The following ADAMTS7 variants were observed in gnomAD, a reference collection of about 807,000 sequenced individuals.
The protein encoded by ADAMTS7 is A disintegrin and metalloproteinase with thrombospondin motifs 7.
A neutral mutation model predicts 172.6 loss-of-function variants in ADAMTS7; 89 were observed. That is an observed-to-expected ratio of 0.52 (90% CI 0.43 to 0.61). ADAMTS7 has a LOEUF of 0.61. Among genes scored for constraint, ADAMTS7 ranks in the 20% least tolerant of loss-of-function variants. The pLI, the probability that ADAMTS7 is intolerant of heterozygous loss-of-function variation, is 0.00. For missense variants in ADAMTS7, 1,973 were observed against 2,355.6 expected, an observed-to-expected ratio of 0.84 and a Z score of 3.36; for synonymous variants, 885 against 978.4, an observed-to-expected ratio of 0.90 and a Z score of 1.78.
intron 8 of ADAMTS7, among the ~76,000 whole-genome samples, chr15:78,785,138 T>C (rs1438390268): frequency 6.6e-6 from 1 of 152,184 alleles, no homozygotes; most frequent in African/African-American, 2.4e-5. Flanking sequence ...CTGGATTATC[T>C]GGTAGGGATT....
At chr15:78,782,321 G>A (rs146141936) in intron 8 of ADAMTS7, among the ~76,000 whole-genome samples, 33 of 151,998 alleles carry the variant, frequency 2.2e-4, no homozygotes, top group African/African-American at 7.7e-4. Context: ...GTGAGCCACC[G>A]TGCCTGGCCA....
intron 17 of ADAMTS7, among the ~76,000 whole-genome samples, chr15:78,767,883 A>T (rs986123396): frequency 6.6e-6 from 1 of 151,298 alleles, no homozygotes; most frequent in Non-Finnish European, 1.5e-5. Flanking sequence ...ACAGGTGTCC[A>T]GGCTGGCCTA....
chr15:78,801,727 G>C (rs7169068), intron 1 of ADAMTS7, among the ~76,000 whole-genome samples: 57,606 of 151,950 alleles, frequency 0.38, 11,390 homozygotes, highest in African/African-American at 0.5. Context: ...ACCCAGACAG[G>C]AGTGCAGGTG....
rs1230186981 is a variant in ADAMTS7, at chr15:78,763,710, G to A, written c.4729C>T (p.Pro1577Ser). 2 of 1,542,624 alleles carry A rather than the reference G, an allele frequency of 1.3e-6. No individual in the cohort carries two copies. Among genetic ancestry groups the A allele is most frequent in the African/African-American group, 2.7e-5 (2 of 73,230 alleles). Residue 1577 changes from proline to serine, a missense_variant, in exon 22 of 24, where the codon CCC becomes TCC. Pro to Ser is a moderately conservative substitution (Grantham distance 74). Coordinates refer to ENST00000388820, the MANE Select transcript of ADAMTS7 (RefSeq NM_014272.5). ...GCAGCCCGGCTCACCTGGCCCCAGGGCCCCACCACCCACTGCGTGCAGGGG... is the reference window on the plus strand; with the variant it reads ...GCAGCCCGGCTCACCTGGCCCCAGGACCCCACCACCCACTGCGTGCAGGGG... ...THPCTQWVVG[P>S]WGQCSGPCGG...
At chr15:78,802,315 T>G (rs566804434) in intron 1 of ADAMTS7, among the ~76,000 whole-genome samples, 1 of 152,312 alleles carries the variant, frequency 6.6e-6, no homozygotes, top group African/African-American at 2.4e-5. Flanking sequence ...GAGCCACTGG[T>G]TGAATATGAT....
chr15:78,800,626 G>C (rs1260174367), intron 1 of ADAMTS7, 79 bp from the exon 2 acceptor site: 14 of 1,314,768 alleles, frequency 1.1e-5, no homozygotes, highest in Non-Finnish European at 1.4e-5. Flanking sequence ...AGAAGGGAGC[G>C]GCCAAGAGGG....
At chr15:78,788,524 T>C (rs2055537560) in intron 7 of ADAMTS7, 150 bp from the exon 8 acceptor site, 2 of 886,410 alleles carry the variant, frequency 2.3e-6, no homozygotes, top group Non-Finnish European at 3.4e-6. Flanking sequence ...GAAAGTCACA[T>C]TCCCCTCTCT....
At chr15:78,808,377 C>T (rs2055823164) in intron 1 of ADAMTS7, among the ~76,000 whole-genome samples, 1 of 152,100 alleles carries the variant, frequency 6.6e-6, no homozygotes, top group Non-Finnish European at 1.5e-5. Context: ...GCTGGGATTA[C>T]AGGCATGCAC....
chr15:78,778,009 C>A (rs62012629), intron 8 of ADAMTS7, among the ~76,000 whole-genome samples: 45,030 of 151,816 alleles, frequency 0.3, 6,689 homozygotes, highest in South Asian at 0.41. Context: ...GAGCCTCCGA[C>A]GGCCCCACCC....
At chr15:78,778,223 A>G (rs973135551) in intron 8 of ADAMTS7, among the ~76,000 whole-genome samples, 3 of 152,158 alleles carry the variant, frequency 2.0e-5, no homozygotes, top group African/African-American at 7.2e-5. Flanking sequence ...TGGCAGACAC[A>G]AGCAGGCGCC....
intron 4 of ADAMTS7, among the ~76,000 whole-genome samples, chr15:78,794,204 A>T (rs2055615585): frequency 6.6e-6 from 1 of 152,102 alleles, no homozygotes; most frequent in Admixed American, 6.5e-5. Flanking sequence ...GTGCCATTGC[A>T]CTCCAGCCTG....
chr15:78,782,831 T>A (rs530231611), intron 8 of ADAMTS7, among the ~76,000 whole-genome samples: 16 of 152,106 alleles, frequency 1.1e-4, no homozygotes, highest in African/African-American at 3.6e-4. Flanking sequence ...GATCAGACCC[T>A]AGAGCCCCTC....
At position 78,763,569 on chromosome 15, in the gene ADAMTS7, G is replaced by A. The variant is rs1211960309; in HGVS notation, c.4740+130C>T. On this transcript the variant is annotated intron_variant, in intron 22 of 23. Coordinates refer to ENST00000388820, the MANE Select transcript of ADAMTS7 (RefSeq NM_014272.5). ...CAGGTGTGAGCACCAGCCGGGCGGGGCCTCGTCCAGTGACAGGGCCACAAA... is the reference window on the plus strand; with the variant it reads ...CAGGTGTGAGCACCAGCCGGGCGGGACCTCGTCCAGTGACAGGGCCACAAA... 4 of 1,258,796 alleles carry A rather than the reference G, an allele frequency of 3.2e-6. No individual in the cohort carries two copies. The East Asian group carries it at 1.1e-4, about 36-fold the overall frequency. 78.0% of individuals were successfully genotyped at this position (1,258,796 alleles called of 1,614,324 possible). A position where few individuals can be genotyped will look rare whatever the true frequency, so the allele number is the denominator to read the frequency against.
In ADAMTS7 at chr15:78,806,091, A is replaced by AACACACACACAC. The variant is rs1216857182; in HGVS notation, c.100+5018_100+5029dup. On this transcript the variant is annotated intron_variant, in intron 1 of 23. Coordinates refer to ENST00000388820, the MANE Select transcript of ADAMTS7 (RefSeq NM_014272.5). ...CGAGACTCTGACTCCCCCCCCCAAA[A>AACACACACACAC]ACACACACACACACACACACACACA... 8.0e-4 allele frequency among the ~76,000 whole-genome samples: 22 copies of AACACACACACAC among 27,430 alleles called. No homozygotes were observed. The East Asian group carries it at 8.4e-3, about 10-fold the overall frequency. 18.0% of individuals were successfully genotyped at this position (27,430 alleles called of 152,430 possible).
Position 78,800,278 on chromosome 15 carries a change from G to T in ADAMTS7, c.370C>A (p.His124Asn), listed in dbSNP as rs1362532453. The change falls in exon 2 of 24, where the codon CAC becomes AAC. Residue 124 changes from histidine to asparagine, a missense_variant. Physicochemically the swap from His to Asn is moderately conservative, Grantham distance 68 (BLOSUM62 1). This residue lies in a region of ADAMTS7 where 306 missense variants were observed against 288.0 expected (regional missense o/e 1.06). Coordinates refer to ENST00000388820, the MANE Select transcript of ADAMTS7 (RefSeq NM_014272.5). The stretch of plus-strand genomic sequence containing the variant: ...CCAAGCAGGTGGCAGGCCGGGGTGT[G>T]GGCCCGGATGTGCGCGCGGCCCAGG... ...GGLGRAHIRA[H>N]TPACHLLGEV... The T allele has an allele frequency of 6.3e-7, 1 of 1,593,594 alleles. No homozygotes were observed. The highest frequency in any genetic ancestry group is 1.7e-5 in the Admixed American group (1 of 58,922).
intron 1 of ADAMTS7, among the ~76,000 whole-genome samples, chr15:78,801,547 T>G (rs1417238427): frequency 6.6e-6 from 1 of 152,166 alleles, no homozygotes; most frequent in Admixed American, 6.5e-5. Flanking sequence ...CTATCCCCCT[T>G]CCTTGCTTTA....
rs763588611 is a variant in ADAMTS7, at chr15:78,776,819, C to T, written c.1490G>A (p.Cys497Tyr). 7.7e-6 allele frequency: 12 copies of T among 1,549,162 alleles called. No individual in the cohort carries two copies. The highest frequency in any genetic ancestry group is 8.7e-7 in the Non-Finnish European group (1 of 1,145,442). ...GGAGTGACAGGTGGTCCCCACAGAG[C>T]ACCAGAGTGTGTGGCAGACATTCTG... Reference protein sequence around the residue: ...DMDNVCHTLWCSVGTTCHSKL... With the variant: ...DMDNVCHTLWYSVGTTCHSKL... Residue 497 changes from cysteine to tyrosine, a missense_variant, in exon 10 of 24, where the codon TGC becomes TAC. Around this residue, in one of 8 missense-constraint regions of ADAMTS7, gnomAD observed 526 missense variants for 662.9 expected, o/e 0.79. Coordinates refer to ENST00000388820, the MANE Select transcript of ADAMTS7 (RefSeq NM_014272.5).
In ADAMTS7 at chr15:78,766,894, G is replaced by A. The variant is rs1322849726; in HGVS notation, c.3017C>T (p.Ser1006Leu). 3.1e-6 allele frequency: 5 copies of A among 1,609,676 alleles called. No individual in the cohort carries two copies. The South Asian group carries it at 5.5e-5, about 18-fold the overall frequency. The change falls in exon 19 of 24, where the codon TCA (serine) becomes TTA (leucine). Residue 1006 changes from serine to leucine, a missense_variant. By Grantham distance (145) the Ser-to-Leu change is moderately radical. Coordinates refer to ENST00000388820, the MANE Select transcript of ADAMTS7 (RefSeq NM_014272.5). ...CTCGTGGCTGGAGGAGCCGCTGCCT[G>A]AGCCTTCAGGGCCCAGTGTGCCCAG... ...WPLGTLGPEGSGSGSSSHELF... is the reference protein window; with the variant it reads ...WPLGTLGPEGLGSGSSSHELF...
chr15:78,777,215 C>T (rs866701037), intron 9 of ADAMTS7: 109 of 637,444 alleles, frequency 1.7e-4, no homozygotes, highest in African/African-American at 1.5e-3. Context: ...GGGACTTGTC[C>T]GAAGGGTCAC....
Sources: allele counts gnomAD v4.1 joint callset (sites outside exome capture counted in the v4.1 genomes callset), GRCh38; gene constraint gnomAD v4.1.1; regional missense constraint gnomAD v4.1.1; transcripts MANE v1.5; gene names NCBI Gene and HGNC (gene_info 2026-07-23, HGNC 2026-07-21).